Variants in EIF4E3 observed in about 807,000 individuals in gnomAD.
EIF4E3 encodes the protein eukaryotic translation initiation factor 4E family member 3.
In EIF4E3, 26 loss-of-function variants were observed where a neutral mutation model predicts 31.7. The observed-to-expected ratio is 0.82, with a 90% confidence interval of 0.60 to 1.14. The LOEUF is 1.14. Ranked by LOEUF, EIF4E3 falls within the 50% of genes most tolerant of loss-of-function variation. The pLI is 0.00. For missense variants in EIF4E3, 304 were observed against 270.9 expected, an observed-to-expected ratio of 1.12 and a Z score of -0.86; for synonymous variants, 128 against 107.7, an observed-to-expected ratio of 1.19 and a Z score of -1.17.
chr3:71,681,110 G>A lies in EIF4E3; in HGVS notation c.*3572C>T, dbSNP rs1296927070. The A allele has an allele frequency of 6.6e-6, 1 of 152,146 alleles. No homozygotes were observed. The highest frequency in any genetic ancestry group is 1.5e-5 in the Non-Finnish European group (1 of 68,016). The allele number at this position is 152,146 out of a possible 1,614,324, so 9.4% of individuals were successfully genotyped here. A position where few individuals can be genotyped will look rare whatever the true frequency, so the allele number is the denominator to read the frequency against. On this transcript the variant is annotated 3_prime_UTR_variant, in exon 7 of 7. Transcript: ENST00000425534. ...AGGCCAATGAGAGCCTAGGATTTGA[G>A]ATATTTTAAGCACATCTGGAGCGAT...
the EIF4E3 span, among the ~76,000 whole-genome samples, chr3:71,659,460 C>T: frequency 2.0e-5 from 3 of 152,186 alleles, no homozygotes; most frequent in Admixed American, 1.3e-4. Context: ...GCCATGGCAT[C>T]AACTGTGACA....
At position 71,679,762 on chromosome 3, in the gene EIF4E3, A is replaced by C. The variant is rs113417253; in HGVS notation, c.*4920T>G. 13 of 152,338 alleles carry C rather than the reference A, an allele frequency of 8.5e-5. 1 individual carries two copies. Among genetic ancestry groups the C allele is most frequent in the African/African-American group, 3.1e-4 (13 of 41,572 alleles). The allele number at this position is 152,338 out of a possible 1,614,324, so 9.4% of individuals were successfully genotyped here. A position where few individuals can be genotyped will look rare whatever the true frequency, so the allele number is the denominator to read the frequency against. ...TTTGCTAAGCTACGTTTTGAAAGTG[A>C]CAATTAATTTTAGTGGAAATTCATT... On this transcript the variant is annotated 3_prime_UTR_variant, in exon 7 of 7. Transcript: ENST00000425534.
At chr3:71,696,307 G>T (rs1416374248) in intron 4 of EIF4E3, among the ~76,000 whole-genome samples, 153 bp downstream of exon 4, 3 of 152,214 alleles carry the variant, frequency 2.0e-5, no homozygotes, top group Non-Finnish European at 4.4e-5. Flanking sequence ...GTGAAAGGCA[G>T]AAAATCATCA....
upstream of EIF4E3, among the ~76,000 whole-genome samples, chr3:71,753,777 A>G (rs577773272): frequency 3.7e-3 from 551 of 147,922 alleles, 4 homozygotes; most frequent in African/African-American, 0.011. Flanking sequence ...GGGGCTGCGG[A>G]CGGTGGCGAG....
chr3:71,732,233 G>C (rs1376702520), intron 1 of EIF4E3, among the ~76,000 whole-genome samples: 1 of 152,110 alleles, frequency 6.6e-6, no homozygotes, highest in Non-Finnish European at 1.5e-5. Flanking sequence ...TCTCTCCTCT[G>C]ACCATCTAAA....
At chr3:71,673,930 T>TATAA (rs1470810382), downstream of EIF4E3, among the ~76,000 whole-genome samples, 2 of 126,764 alleles carry the variant, frequency 1.6e-5, no homozygotes, top group African/African-American at 3.1e-5. Context: ...TATATATATA[T>TATAA]AAAAAACATA....
chr3:71,752,697 A>AT (rs1336026721), intron 1 of EIF4E3, among the ~76,000 whole-genome samples: 2 of 152,230 alleles, frequency 1.3e-5, no homozygotes, highest in African/African-American at 4.8e-5. Context: ...GAAGAGCATG[A>AT]TTTTTAAAAA....
At chr3:71,693,327 G>A (rs1437044158) in intron 5 of EIF4E3, among the ~76,000 whole-genome samples, 1 of 152,160 alleles carries the variant, frequency 6.6e-6, no homozygotes, top group Non-Finnish European at 1.5e-5. Context: ...CCTCCACTGT[G>A]AGATCACAGG....
At chr3:71,661,011 A>G in the EIF4E3 span, among the ~76,000 whole-genome samples, 5 of 152,114 alleles carry the variant, frequency 3.3e-5, no homozygotes, top group Non-Finnish European at 7.3e-5. Flanking sequence ...GGGCACTGGC[A>G]GGGATGCGAG....
intron 5 of EIF4E3, among the ~76,000 whole-genome samples, chr3:71,693,409 AG>A (rs2049090078): frequency 6.6e-6 from 1 of 152,130 alleles, no homozygotes; most frequent in South Asian, 2.1e-4. Context: ...AACAAGACGA[AG>A]GGGTTAGGGG....
At chr3:71,713,962 G>A (rs768048791) in intron 1 of EIF4E3, among the ~76,000 whole-genome samples, 2 of 152,052 alleles carry the variant, frequency 1.3e-5, no homozygotes, top group Admixed American at 1.3e-4. Context: ...TGTAATCTCT[G>A]CACTCTGGGA....
chr3:71,710,417 C>T lies in EIF4E3; in HGVS notation c.244G>A (p.Val82Ile), dbSNP rs921231866. ...NLKKIYTVQTVQIFWSVYNNI... is the reference protein window; with the variant it reads ...NLKKIYTVQTIQIFWSVYNNI... ...AGTCCCTCTCTTGATCTTACCTGTA[C>T]TGTCTGTACTGTGTAGATTTTCTTC... Residue 82 changes from valine to isoleucine, a missense_variant, in exon 2 of 7, where the codon GTA becomes ATA. Transcript: ENST00000425534. The T allele has an allele frequency of 9.0e-6, 14 of 1,552,000 alleles. No homozygotes were observed. The Admixed American group carries it at 1.4e-4, about 15-fold the overall frequency.
intron 1 of EIF4E3, among the ~76,000 whole-genome samples, chr3:71,750,261 C>T (rs2049913280): frequency 6.6e-6 from 1 of 152,046 alleles, no homozygotes. Context: ...TCATTTGGTC[C>T]AACGTCCCAT....
At chr3:71,741,194 G>A (rs377546960) in intron 1 of EIF4E3, among the ~76,000 whole-genome samples, 23 of 149,318 alleles carry the variant, frequency 1.5e-4, no homozygotes, top group South Asian at 8.6e-4. Context: ...ACATGCACGC[G>A]CACACACACA....
chr3:71,741,440 T>C (rs1476792876), intron 1 of EIF4E3, among the ~76,000 whole-genome samples: 6 of 152,198 alleles, frequency 3.9e-5, no homozygotes, highest in African/African-American at 9.7e-5. Flanking sequence ...CGATTAGTAA[T>C]ATAAATGAGT....
chr3:71,664,108 G>A, the EIF4E3 span, among the ~76,000 whole-genome samples: 1 of 152,166 alleles, frequency 6.6e-6, no homozygotes, highest in Non-Finnish European at 1.5e-5. Flanking sequence ...TGGGCTAATG[G>A]AGGATCAGGA....
intron 1 of EIF4E3, among the ~76,000 whole-genome samples, chr3:71,712,146 T>C (rs1338160971): frequency 2.0e-5 from 3 of 152,248 alleles, no homozygotes; most frequent in Non-Finnish European, 4.4e-5. Context: ...CTCGATTTGC[T>C]GGACATTGTT....
intron 1 of EIF4E3, among the ~76,000 whole-genome samples, chr3:71,717,453 C>T (rs1353904817): frequency 6.6e-6 from 1 of 152,192 alleles, no homozygotes; most frequent in Non-Finnish European, 1.5e-5. Context: ...TGTAAAAGCA[C>T]TTAAATATGG....
In EIF4E3 at chr3:71,683,609, T is replaced by C. The variant is rs1257204432; in HGVS notation, c.*1073A>G. The C allele has an allele frequency of 1.3e-5, 2 of 152,222 alleles. No individual in the cohort carries two copies. The highest frequency in any genetic ancestry group is 2.9e-5 in the Non-Finnish European group (2 of 68,042). 9.4% of individuals were successfully genotyped at this position (152,222 alleles called of 1,614,324 possible). On this transcript the variant is annotated 3_prime_UTR_variant, in exon 7 of 7. Transcript: ENST00000425534. ...AGCAGAATGCACTCAAAGTTCAACT[T>C]TGTAAATGTTCACATGCATCCTGGA...
Sources: allele counts gnomAD v4.1 joint callset (sites outside exome capture counted in the v4.1 genomes callset), GRCh38; gene constraint gnomAD v4.1.1; transcripts MANE v1.5; gene names NCBI Gene and HGNC (gene_info 2026-07-23, HGNC 2026-07-21).